TM9SF4: variants seen among roughly 807,000 people sequenced by gnomAD.
TM9SF4 encodes dinucleotide oxidase disulfide thiol exchanger 3 superfamily member 4.
TM9SF4 carries 26 observed loss-of-function variants against 90.4 expected under a neutral mutation model. That is an observed-to-expected ratio of 0.29 (90% CI 0.21 to 0.40). The LOEUF is 0.40. TM9SF4 is among the 10% of genes least tolerant of loss of function. TM9SF4 has a pLI of 1.00. For synonymous variants in TM9SF4, 293 were observed against 315.4 expected (o/e 0.93, Z 0.75); for missense variants, 549 against 834.8 (o/e 0.66, Z 4.22).
intron 1 of TM9SF4, among the ~76,000 whole-genome samples, chr20:32,119,923 T>C (rs922488498): frequency 1.3e-5 from 2 of 152,236 alleles, no homozygotes; most frequent in African/African-American, 4.8e-5. Flanking sequence ...TATGTTTCTC[T>C]ATTGAATTTG....
intron 1 of TM9SF4, 49 bp from the exon 2 acceptor site, chr20:32,132,964 C>A: frequency 6.5e-7 from 1 of 1,548,022 alleles, no homozygotes; most frequent in Non-Finnish European, 8.9e-7. Flanking sequence ...CTCAGAGGAT[C>A]TTCTTCACTT....
intron 1 of TM9SF4, among the ~76,000 whole-genome samples, chr20:32,112,074 T>C (rs898871508): frequency 1.3e-5 from 2 of 152,182 alleles, no homozygotes; most frequent in Non-Finnish European, 2.9e-5. Flanking sequence ...GCACAGAGGC[T>C]GTGGAAAGGA....
intron 1 of TM9SF4, among the ~76,000 whole-genome samples, chr20:32,131,394 G>C (rs895910905): frequency 1.3e-5 from 2 of 152,076 alleles, no homozygotes; most frequent in Admixed American, 1.3e-4. Flanking sequence ...TTGTAGTCCA[G>C]GTAAAAGTAC....
intron 1 of TM9SF4, among the ~76,000 whole-genome samples, chr20:32,115,959 C>A (rs2046216305): frequency 6.6e-6 from 1 of 151,824 alleles, no homozygotes; most frequent in Non-Finnish European, 1.5e-5. Context: ...GTAGCTGGGA[C>A]TACAGGCATG....
intron 5 of TM9SF4, 68 bp downstream of exon 5, chr20:32,141,963 A>G (rs1056847792): frequency 6.3e-7 from 1 of 1,599,238 alleles, no homozygotes; most frequent in Non-Finnish European, 8.5e-7. Flanking sequence ...ACTTGGGGCC[A>G]CAGAAAAGGT....
At chr20:32,147,321 GA>G (rs2046777763) in intron 9 of TM9SF4, among the ~76,000 whole-genome samples, 1 of 151,948 alleles carries the variant, frequency 6.6e-6, no homozygotes, top group Non-Finnish European at 1.5e-5. Flanking sequence ...AAAAAGTAAG[GA>G]AAAAAGTTTT....
At chr20:32,148,757 G>C (rs1260796241) in intron 9 of TM9SF4, among the ~76,000 whole-genome samples, 1 of 141,622 alleles carries the variant, frequency 7.1e-6, no homozygotes, top group Non-Finnish European at 1.5e-5. Flanking sequence ...TGCAAGCTCC[G>C]CCTTCCAGGT....
chr20:32,148,835 T>C (rs2046800685), intron 9 of TM9SF4, among the ~76,000 whole-genome samples: 1 of 152,074 alleles, frequency 6.6e-6, no homozygotes, highest in Non-Finnish European at 1.5e-5. Flanking sequence ...CATGCCCAGC[T>C]AATTTTTTGT....
chr20:32,156,193 ATGCT>A (rs2046917339), intron 13 of TM9SF4, among the ~76,000 whole-genome samples: 1 of 152,226 alleles, frequency 6.6e-6, no homozygotes, highest in Non-Finnish European at 1.5e-5. Flanking sequence ...CATTTATATG[ATGCT>A]TGCTTTGTAG....
intron 3 of TM9SF4, among the ~76,000 whole-genome samples, chr20:32,136,407 C>T (rs946263410): frequency 2.0e-5 from 3 of 152,214 alleles, no homozygotes; most frequent in Admixed American, 1.3e-4. Flanking sequence ...AAGGCATCCT[C>T]TGTTTTCTTC....
At chr20:32,126,213 C>CTA (rs1174027536) in intron 1 of TM9SF4, among the ~76,000 whole-genome samples, 1 of 152,104 alleles carries the variant, frequency 6.6e-6, no homozygotes, top group Non-Finnish European at 1.5e-5. Context: ...ACTTGCTACT[C>CTA]ATAGGATGGT....
chr20:32,144,983 T>C, intron 6 of TM9SF4, 108 bp from the exon 7 acceptor site: 1 of 953,616 alleles, frequency 1.0e-6, no homozygotes, highest in Non-Finnish European at 1.7e-6. Flanking sequence ...ACTCCCACCC[T>C]AGAGGCTGGG....
rs755824172 is a variant in TM9SF4, at chr20:32,160,137, G to GGGGA, written c.1689+32_1689+35dup. The GGGGA allele has an allele frequency of 5.0e-6, 8 of 1,613,848 alleles. No individual in the cohort carries two copies. In the Admixed American group the frequency reaches 5.0e-5, roughly 10 times the overall value. On this transcript the variant is annotated intron_variant, in intron 16 of 17. Coordinates refer to ENST00000398022, the MANE Select transcript of TM9SF4 (RefSeq NM_014742.4). Reference sequence around the variant, plus strand: ...GTGAGGAGAGCAGGGCCAGGAGGCGGGGGAGGGAGAACTGGATCCAGCATT... The same window carrying GGGGA: ...GTGAGGAGAGCAGGGCCAGGAGGCGGGGGAGGGAGGGAGAACTGGATCCAGCATT...
rs561446907 is a variant in TM9SF4 at position 32,150,977 on chromosome 20, A to G, written c.1245+102A>G. 8.5e-6 allele frequency: 12 copies of G among 1,404,998 alleles called. No homozygotes were observed. In the East Asian group the frequency reaches 2.9e-4, roughly 34 times the overall value. The allele number at this position is 1,404,998 out of a possible 1,614,324, so 87.0% of individuals were successfully genotyped here. On this transcript the variant is annotated intron_variant, in intron 12 of 17. Coordinates refer to ENST00000398022, the MANE Select transcript of TM9SF4 (RefSeq NM_014742.4). ...AGGTCCTGGTGGGGATTTTTGGGCC[A>G]GAAGCTGAGCAGCAGCAAGACATAG... is the stretch of plus-strand genomic sequence containing the variant.
chr20:32,146,740 C>G, intron 8 of TM9SF4, 45 bp from the exon 9 acceptor site: 2 of 1,594,066 alleles, frequency 1.3e-6, no homozygotes, highest in Admixed American at 1.7e-5. Context: ...CATGGGCTTG[C>G]TGGCAGCGCC....
At position 32,157,861 on chromosome 20, in the gene TM9SF4, T is replaced by C; in HGVS notation, c.1397T>C (p.Leu466Ser). 2 of 1,614,164 alleles carry C rather than the reference T, an allele frequency of 1.2e-6. No homozygotes were observed. Among genetic ancestry groups the C allele is most frequent in the Non-Finnish European group, 1.7e-6 (2 of 1,180,030 alleles). ...GGGATCTCCCTGCCCCTCGTCTACT[T>C]GGGCTACTACTTCGGCTTCCGAAAG... ...WFGISLPLVY[L>S]GYYFGFRKQP... Residue 466 changes from leucine to serine, a missense_variant, in exon 14 of 18, where the codon TTG becomes TCG. Coordinates refer to ENST00000398022, the MANE Select transcript of TM9SF4 (RefSeq NM_014742.4).
intron 12 of TM9SF4, among the ~76,000 whole-genome samples, chr20:32,154,448 A>G: frequency 6.7e-6 from 1 of 149,118 alleles, no homozygotes; most frequent in South Asian, 2.1e-4. Flanking sequence ...TGGGTAGTTA[A>G]CGTGTTCTTT....
chr20:32,114,920 G>A (rs2046198046), intron 1 of TM9SF4, among the ~76,000 whole-genome samples: 1 of 152,212 alleles, frequency 6.6e-6, no homozygotes, highest in Non-Finnish European at 1.5e-5. Context: ...GTGAAATTAA[G>A]GTTTGTACTT....
chr20:32,132,889 AT>A (rs1179051912), intron 1 of TM9SF4, 123 bp from the exon 2 acceptor site: 1 of 758,882 alleles, frequency 1.3e-6, no homozygotes. Context: ...TTCAGGCTTC[AT>A]GGGTCAGAGG....
Sources: allele counts gnomAD v4.1 joint callset (sites outside exome capture counted in the v4.1 genomes callset), GRCh38; gene constraint gnomAD v4.1.1; transcripts MANE v1.5; gene names NCBI Gene and HGNC (gene_info 2026-07-23, HGNC 2026-07-21).